Variants in LCP2 observed in about 807,000 individuals in gnomAD.
The protein encoded by LCP2 is lymphocyte cytosolic protein 2, also known as 76 kDa tyrosine phosphoprotein.
Under a neutral mutation model 74.5 loss-of-function variants are expected in LCP2, and 29 were observed. The observed-to-expected ratio is 0.39, with a 90% CI of 0.29 to 0.53. The LOEUF is 0.53. Ranked by LOEUF, LCP2 falls within the 20% of genes least tolerant of loss-of-function variation. The pLI, the probability that LCP2 is intolerant of heterozygous loss-of-function variation, is 0.72. For synonymous variants in LCP2, 228 were observed against 229.5 expected (o/e 0.99, Z 0.06); for missense variants, 604 against 634.6 (o/e 0.95, Z 0.52).
intron 14 of LCP2, 166 bp downstream of exon 14, chr5:170,260,941 C>A: frequency 3.2e-6 from 2 of 615,778 alleles, no homozygotes; most frequent in South Asian, 3.9e-5. Context: ...AGACAATGAC[C>A]AAGGCCCAAA....
chr5:170,258,201 C>T, intron 15 of LCP2, 35 bp from the exon 16 acceptor site: 1 of 1,611,408 alleles, frequency 6.2e-7, no homozygotes. Context: ...ATGAGATTGG[C>T]AGGCCCCAGC....
rs554080947 is a variant in LCP2 at position 170,297,467 on chromosome 5, G to A, written c.78+67C>T. ...TCCCACATTCTGCCCCAATTCCATC[G>A]TCAAGCCTCAGCTCAGCCCACCAAG... On this transcript the variant is annotated intron_variant, in intron 1 of 20. Transcript: ENST00000046794. 1,945 of 1,413,500 alleles carry A rather than the reference G, an allele frequency of 1.4e-3. 5 individuals carry two copies. The highest frequency in any genetic ancestry group is 2.0e-3 in the Admixed American group (104 of 51,894). 87.6% of individuals were successfully genotyped at this position (1,413,500 alleles called of 1,614,324 possible).
In LCP2 at chr5:170,247,681, T is replaced by C. The variant is rs1467446451; in HGVS notation, c.*1016A>G. The C allele has an allele frequency of 6.6e-6, 1 of 152,228 alleles. No homozygotes were observed. The highest frequency in any genetic ancestry group is 2.4e-5 in the African/African-American group (1 of 41,456). The allele number at this position is 152,228 out of a possible 1,614,324, so 9.4% of individuals were successfully genotyped here. On this transcript the variant is annotated 3_prime_UTR_variant, in exon 21 of 21. Coordinates refer to ENST00000046794, the MANE Select transcript of LCP2 (RefSeq NM_005565.5). Reference sequence around the variant, plus strand: ...ACCTCAAAGCACTTATACAGCCTGTTTGGGAAGGATGAGGAGAAGGGACTT... The same window carrying C: ...ACCTCAAAGCACTTATACAGCCTGTCTGGGAAGGATGAGGAGAAGGGACTT...
intron 14 of LCP2, among the ~76,000 whole-genome samples, chr5:170,259,936 C>G (rs1761622616): frequency 6.6e-6 from 1 of 152,228 alleles, no homozygotes; most frequent in Non-Finnish European, 1.5e-5. Context: ...CTTCCAGAGA[C>G]AGGGAACCTG....
intron 12 of LCP2, 33 bp downstream of exon 12, chr5:170,262,809 C>T (rs1169242016): frequency 1.2e-6 from 2 of 1,613,916 alleles, no homozygotes; most frequent in Non-Finnish European, 1.7e-6. Flanking sequence ...ACAGAACGTC[C>T]CATGTACCCT....
intron 3 of LCP2, among the ~76,000 whole-genome samples, chr5:170,283,192 T>C (rs1407056818): frequency 6.6e-6 from 1 of 152,158 alleles, no homozygotes; most frequent in African/African-American, 2.4e-5. Context: ...TTCAAACACA[T>C]TGGAGGAGGG....
intron 2 of LCP2, among the ~76,000 whole-genome samples, chr5:170,289,617 T>C (rs10074240): frequency 0.011 from 1,307 of 122,068 alleles, 14 homozygotes; most frequent in African/African-American, 0.031. Context: ...CTTTCTTTCT[T>C]TTTCTTTCTT....
chr5:170,259,041 G>A (rs1761609767), intron 14 of LCP2, among the ~76,000 whole-genome samples, 163 bp from the exon 15 acceptor site: 2 of 152,166 alleles, frequency 1.3e-5, no homozygotes, highest in African/African-American at 4.8e-5. Context: ...AATAGAAGTT[G>A]CTAAGTGTTT....
At chr5:170,279,701 A>G (rs1168552774) in intron 3 of LCP2, among the ~76,000 whole-genome samples, 1 of 152,212 alleles carries the variant, frequency 6.6e-6, no homozygotes, top group Non-Finnish European at 1.5e-5. Flanking sequence ...CACTGATGAA[A>G]TTGTTTGTTT....
chr5:170,275,208 G>C (rs1761986782), intron 5 of LCP2, 112 bp downstream of exon 5: 2 of 1,159,562 alleles, frequency 1.7e-6, no homozygotes, highest in Non-Finnish European at 2.6e-6. Flanking sequence ...TGACAGACAA[G>C]TCAGTAAGGT....
At chr5:170,289,754 TTCTC>T (rs1171829923) in intron 2 of LCP2, among the ~76,000 whole-genome samples, 3 of 92,692 alleles carry the variant, frequency 3.2e-5, no homozygotes, top group African/African-American at 1.7e-4. Flanking sequence ...TTTCTTTTCT[TTCTC>T]TTTTTTTTTT....
At position 170,275,609 on chromosome 5, in the gene LCP2, C is replaced by T. The variant is rs1761993153; in HGVS notation, c.254+186G>A. On this transcript the variant is annotated intron_variant, in intron 4 of 20. Transcript: ENST00000046794. ...GAGGAAGTTCCCCTGATGTCCCAGA[C>T]CCAGGGACAGGATGCAGAGCAGGGG... is the stretch of plus-strand genomic sequence containing the variant. The T allele has an allele frequency of 9.2e-6, 6 of 650,416 alleles. No individual in the cohort carries two copies. The South Asian group carries it at 1.1e-4, about 12-fold the overall frequency. The allele number at this position is 650,416 out of a possible 1,614,324, so 40.3% of individuals were successfully genotyped here.
chr5:170,290,952 AAAAGAAAGAAAGAAAG>A (rs201112309), intron 2 of LCP2, among the ~76,000 whole-genome samples: 2,078 of 116,994 alleles, frequency 0.018, 28 homozygotes, highest in Non-Finnish European at 0.022. Flanking sequence ...AGAAAGAAAG[AAAAGAAAGAAAGAAAG>A]AAAGAAAGAA....
intron 3 of LCP2, among the ~76,000 whole-genome samples, chr5:170,282,057 T>C (rs1762114698): frequency 6.6e-6 from 1 of 152,200 alleles, no homozygotes; most frequent in African/African-American, 2.4e-5. Flanking sequence ...TCATTTTTTT[T>C]CTTTAAAAAT....
Position 170,252,767 on chromosome 5 carries a change from C to T in LCP2, c.1246-256G>A, listed in dbSNP as rs57838101. On this transcript the variant is annotated intron_variant, in intron 18 of 20. Transcript: ENST00000046794. ...AGTTCCTTACAGTATGGAACCTCTT[C>T]AGGAAAGATACAGATACAATAATTT... Among the ~76,000 whole-genome samples the T allele has an allele frequency of 5.2e-3, 788 of 152,294 alleles. 10 individuals are homozygous for T. Among genetic ancestry groups the T allele is most frequent in the African/African-American group, 0.018 (762 of 41,552 alleles).
intron 3 of LCP2, among the ~76,000 whole-genome samples, chr5:170,282,098 G>T (rs1762115258): frequency 6.6e-6 from 1 of 152,068 alleles, no homozygotes; most frequent in South Asian, 2.1e-4. Context: ...CAGGTGTCTT[G>T]GGATCAACCA....
chr5:170,271,416 G>T (rs1005396830), intron 6 of LCP2, among the ~76,000 whole-genome samples: 4 of 152,110 alleles, frequency 2.6e-5, no homozygotes, highest in African/African-American at 9.7e-5. Flanking sequence ...AACAAAGCCT[G>T]TTAAGTGGAA....
At chr5:170,285,517 T>C (rs1440804648) in intron 3 of LCP2, among the ~76,000 whole-genome samples, 2 of 152,254 alleles carry the variant, frequency 1.3e-5, no homozygotes, top group African/African-American at 4.8e-5. Flanking sequence ...GCAGTTAAGT[T>C]ACTTAGAAGC....
At chr5:170,262,944 C>CA in intron 11 of LCP2, 23 bp downstream of exon 11, 2 of 1,613,800 alleles carry the variant, frequency 1.2e-6, no homozygotes, top group Non-Finnish European at 1.7e-6. Flanking sequence ...CAAACACAAC[C>CA]AAAAAACAAG....
Sources: allele counts gnomAD v4.1 joint callset (sites outside exome capture counted in the v4.1 genomes callset), GRCh38; gene constraint gnomAD v4.1.1; transcripts MANE v1.5; gene names NCBI Gene and HGNC (gene_info 2026-07-23, HGNC 2026-07-21).